FBN2: variants seen among roughly 807,000 people sequenced by gnomAD.
FBN2 encodes fibrillin 2, also known as fibrillin-2.
In FBN2, 105 loss-of-function variants were observed where a neutral mutation model predicts 355.6. The observed-to-expected ratio is 0.30, with a 90% CI of 0.25 to 0.35. The LOEUF (loss-of-function observed/expected upper bound fraction) is 0.35, where lower values mean the gene tolerates loss of function less well. FBN2 is among the 10% of genes least tolerant of loss of function. The pLI, the probability that FBN2 is intolerant of heterozygous loss-of-function variation, is 1.00. For synonymous variants in FBN2, 1,350 were observed against 1,301.2 expected (o/e 1.04, Z -0.81); for missense variants, 3,280 against 3,758.7 (o/e 0.87, Z 3.33).
chr5:128,298,975 C>G (rs558356968), intron 48 of FBN2, among the ~76,000 whole-genome samples: 3 of 152,244 alleles, frequency 2.0e-5, no homozygotes, highest in Non-Finnish European at 2.9e-5. Flanking sequence ...GTTTTATCTA[C>G]TTTTGGTCTT....
intron 2 of FBN2, 124 bp from the exon 3 acceptor site, chr5:128,530,817 G>T (rs567419834): frequency 1.4e-6 from 1 of 689,800 alleles, no homozygotes; most frequent in Non-Finnish European, 2.5e-6. Flanking sequence ...TGATATAAAT[G>T]TCTAACTTCA....
At chr5:128,446,700 T>C in intron 6 of FBN2, 94 bp from the exon 7 acceptor site, 1 of 1,369,406 alleles carries the variant, frequency 7.3e-7, no homozygotes, top group Non-Finnish European at 1.0e-6. Context: ...AACATTCTTC[T>C]AAGAAACTCA....
chr5:128,388,091 G>A (rs1283331536), intron 11 of FBN2, among the ~76,000 whole-genome samples: 1 of 152,136 alleles, frequency 6.6e-6, no homozygotes, highest in East Asian at 1.9e-4. Context: ...TTATTATTAT[G>A]TAATGGCCTT....
intron 7 of FBN2, among the ~76,000 whole-genome samples, chr5:128,440,789 C>T (rs201394028): frequency 6.6e-6 from 1 of 152,120 alleles, no homozygotes; most frequent in East Asian, 1.9e-4. Context: ...ATTTAATTAA[C>T]AGAAAATATA....
At chr5:128,519,415 G>C (rs1273068749) in intron 4 of FBN2, 47 bp from the exon 5 acceptor site, 2 of 1,397,436 alleles carry the variant, frequency 1.4e-6, no homozygotes, top group Non-Finnish European at 2.0e-6. Flanking sequence ...CAGTCTCCAA[G>C]CACAATATAG....
intron 56 of FBN2, among the ~76,000 whole-genome samples, chr5:128,279,227 C>T (rs918284990): frequency 3.3e-5 from 5 of 152,098 alleles, no homozygotes; most frequent in Non-Finnish European, 7.4e-5. Flanking sequence ...ATTTTATGAG[C>T]TTGGTACTTA....
At chr5:128,407,909 AG>A (rs1752972413) in intron 8 of FBN2, among the ~76,000 whole-genome samples, 1 of 152,172 alleles carries the variant, frequency 6.6e-6, no homozygotes, top group Admixed American at 6.5e-5. Flanking sequence ...GCCACCCTCT[AG>A]TGGACCAAAC....
chr5:128,306,609 C>T (rs1166747858), intron 42 of FBN2, among the ~76,000 whole-genome samples: 1 of 150,788 alleles, frequency 6.6e-6, no homozygotes, highest in East Asian at 1.9e-4. Flanking sequence ...GCAACAAGAG[C>T]AAAACTCCAT....
At chr5:128,395,346 A>C in intron 8 of FBN2, 72 bp from the exon 9 acceptor site, 1 of 1,524,844 alleles carries the variant, frequency 6.6e-7, no homozygotes. Context: ...ACTGTACATG[A>C]GATGAATGTA....
At chr5:128,508,919 C>T (rs951831069) in intron 5 of FBN2, among the ~76,000 whole-genome samples, 8 of 151,956 alleles carry the variant, frequency 5.3e-5, no homozygotes, top group African/African-American at 1.9e-4. Flanking sequence ...TGTGCTGTTC[C>T]ACTTTCCTTT....
chr5:128,476,753 A>G (rs1363578389), intron 5 of FBN2, among the ~76,000 whole-genome samples: 1 of 152,206 alleles, frequency 6.6e-6, no homozygotes, highest in African/African-American at 2.4e-5. Flanking sequence ...GAGAATGTAT[A>G]TTCTACTTCT....
intron 19 of FBN2, among the ~76,000 whole-genome samples, chr5:128,358,727 T>G (rs1033591584): frequency 6.6e-6 from 1 of 151,944 alleles, no homozygotes; most frequent in Non-Finnish European, 1.5e-5. Context: ...AAAAAGAAAC[T>G]AGCTAACCAT....
At chr5:128,327,017 C>A (rs1002904173) in intron 34 of FBN2, among the ~76,000 whole-genome samples, 1 of 152,200 alleles carries the variant, frequency 6.6e-6, no homozygotes, top group Non-Finnish European at 1.5e-5. Context: ...CCTGTTCCTT[C>A]TCCCACTAAC....
intron 1 of FBN2, 49 bp downstream of exon 1, chr5:128,537,301 C>T (rs1294973892): frequency 6.2e-7 from 1 of 1,603,320 alleles, no homozygotes; most frequent in South Asian, 1.1e-5. Context: ...TGAGGATTCC[C>T]CCCTCCCCCA....
intron 26 of FBN2, among the ~76,000 whole-genome samples, chr5:128,338,606 C>T (rs1750909417): frequency 6.6e-6 from 1 of 152,186 alleles, no homozygotes; most frequent in Admixed American, 6.5e-5. Context: ...ATTGGCATGA[C>T]TGAATACAAA....
chr5:128,515,217 T>C (rs188619870), intron 5 of FBN2, among the ~76,000 whole-genome samples: 8 of 152,304 alleles, frequency 5.3e-5, no homozygotes, highest in Non-Finnish European at 1.5e-5. Flanking sequence ...CTACTACAGT[T>C]ACTTTACTTC....
At chr5:128,384,901 C>G (rs1752326830) in intron 11 of FBN2, among the ~76,000 whole-genome samples, 1 of 152,060 alleles carries the variant, frequency 6.6e-6, no homozygotes, top group African/African-American at 2.4e-5. Context: ...AGACTTTGAA[C>G]TAAGCAAGCA....
intron 62 of FBN2, among the ~76,000 whole-genome samples, 195 bp from the exon 63 acceptor site, chr5:128,263,851 T>C (rs968668918): frequency 2.0e-5 from 3 of 152,232 alleles, no homozygotes; most frequent in African/African-American, 7.2e-5. Context: ...TAAAAAACCC[T>C]TGCTTTGCTC....
chr5:128,310,383 TA>T (rs1561763390), intron 39 of FBN2, among the ~76,000 whole-genome samples: 350 of 14,000 alleles, frequency 0.025, 6 homozygotes, highest in African/African-American at 0.075. Context: ...TATATATATA[TA>T]TATATATATA....
Sources: gnomAD v4.1 joint callset for allele counts (sites outside exome capture counted in the v4.1 genomes callset) on GRCh38, gnomAD v4.1.1 for gene constraint, MANE v1.5 for transcripts, NCBI Gene and HGNC (gene_info 2026-07-23, HGNC 2026-07-21) for gene names.